The following ATAD3B variants were observed in gnomAD, a reference collection of about 807,000 sequenced individuals.
ATAD3B encodes ATPase family AAA domain containing 3B.
ATAD3B carries 59 observed loss-of-function variants against 70.2 expected under a neutral mutation model. The observed-to-expected ratio is 0.84, with a 90% CI of 0.68 to 1.04. The LOEUF (loss-of-function observed/expected upper bound fraction) is 1.04. ATAD3B is among the 50% of genes least tolerant of loss of function. The pLI, the probability that ATAD3B is intolerant of heterozygous loss-of-function variation, is 0.00. For synonymous variants in ATAD3B, 423 were observed against 388.6 expected (o/e 1.09, Z -1.04); for missense variants, 961 against 913.4 (o/e 1.05, Z -0.67).
the ATAD3B span, among the ~76,000 whole-genome samples, chr1:1,506,911 C>T: frequency 6.6e-6 from 1 of 151,930 alleles, no homozygotes; most frequent in Non-Finnish European, 1.5e-5. Context: ...CCTCAGCCTC[C>T]TGAGTAGCTG....
rs371064871 is a variant in ATAD3B, at chr1:1,486,365, G to C, written c.1089+130G>C. The C allele has an allele frequency of 3.2e-6, 5 of 1,581,830 alleles. No homozygotes were observed. The East Asian group carries it at 1.1e-4, about 36-fold the overall frequency. On this transcript the variant is annotated intron_variant, in intron 10 of 15. Transcript: ENST00000673477. ...CTTTGCCTACCCTCGTGTAGGCTCA[G>C]GGTGCTGGTGTGGGCAGCAGCGCCT... is the stretch of plus-strand genomic sequence containing the variant.
the ATAD3B span, among the ~76,000 whole-genome samples, chr1:1,505,263 G>A: frequency 6.6e-6 from 1 of 152,140 alleles, no homozygotes; most frequent in African/African-American, 2.4e-5. Flanking sequence ...CAGAGAGAGG[G>A]AGGGAGGGAG....
chr1:1,506,189 C>A, the ATAD3B span, among the ~76,000 whole-genome samples: 1 of 152,018 alleles, frequency 6.6e-6, no homozygotes, highest in Non-Finnish European at 1.5e-5. Context: ...GATCTGAGAT[C>A]GTGTCACTGT....
intron 4 of ATAD3B, among the ~76,000 whole-genome samples, chr1:1,479,866 GCACA>G (rs569873052): frequency 5.1e-5 from 7 of 137,376 alleles, no homozygotes; most frequent in Middle Eastern, 4.7e-3. Flanking sequence ...ACACGGGCCT[GCACA>G]CACACCCCCA....
the ATAD3B span, among the ~76,000 whole-genome samples, chr1:1,508,264 A>G: frequency 1.3e-5 from 2 of 151,248 alleles, no homozygotes; most frequent in Non-Finnish European, 2.9e-5. Flanking sequence ...AGCTCCGGTC[A>G]GTGTCTCCCC....
intron 15 of ATAD3B, 41 bp from the exon 16 acceptor site, chr1:1,495,444 T>C (rs780965705): frequency 3.9e-6 from 6 of 1,557,196 alleles, no homozygotes; most frequent in Non-Finnish European, 3.5e-6. Flanking sequence ...GGGTGGCGGG[T>C]TCCCATAGCG....
chr1:1,500,591 CTTCA>C (rs932873462), downstream of ATAD3B, among the ~76,000 whole-genome samples: 8 of 150,106 alleles, frequency 5.3e-5, 1 homozygote, highest in Admixed American at 2.0e-4. Flanking sequence ...ATTAATAAGA[CTTCA>C]TTCAGTCTAA....
chr1:1,499,892 C>G (rs1454573662), downstream of ATAD3B, among the ~76,000 whole-genome samples: 6 of 148,168 alleles, frequency 4.0e-5, no homozygotes, highest in Admixed American at 6.7e-5. Flanking sequence ...CCGTGCCCAG[C>G]CTTTTTTTTT....
intron 6 of ATAD3B, 31 bp from the exon 7 acceptor site, chr1:1,482,514 C>T (rs1481469810): frequency 3.1e-6 from 5 of 1,613,206 alleles, no homozygotes; most frequent in Non-Finnish European, 3.4e-6. Context: ...TCTTCGTGTC[C>T]TTCCTGGTCA....
chr1:1,502,310 G>T (rs1557442103), downstream of ATAD3B, among the ~76,000 whole-genome samples: 1 of 151,524 alleles, frequency 6.6e-6, no homozygotes, highest in Non-Finnish European at 1.5e-5. Context: ...CGCCTCCCGG[G>T]TTCACGCCAT....
chr1:1,499,594 T>C (rs1026307016), downstream of ATAD3B, among the ~76,000 whole-genome samples: 126 of 144,286 alleles, frequency 8.7e-4, 2 homozygotes, highest in Admixed American at 2.1e-3. Context: ...CTCTTTTTTT[T>C]TTTTTTTTTT....
chr1:1,507,357 CTTG>C, the ATAD3B span, among the ~76,000 whole-genome samples: 2 of 152,258 alleles, frequency 1.3e-5, no homozygotes, highest in Non-Finnish European at 2.9e-5. Flanking sequence ...CAATTCCTGG[CTTG>C]TTGAGTGTTT....
intron 13 of ATAD3B, chr1:1,489,718 C>T: frequency 1.5e-6 from 2 of 1,311,768 alleles, no homozygotes; most frequent in Non-Finnish European, 1.0e-6. Flanking sequence ...CACGGAGGAT[C>T]AAGTCCTGCT....
At chr1:1,492,305 G>A (rs1557429532) in intron 15 of ATAD3B, among the ~76,000 whole-genome samples, 1 of 151,832 alleles carries the variant, frequency 6.6e-6, no homozygotes, top group East Asian at 1.9e-4. Flanking sequence ...TGGCCAACAT[G>A]ATGAACCCCA....
In ATAD3B at chr1:1,486,045, G is replaced by A. The variant is rs950163936; in HGVS notation, c.964-65G>A. 7 of 1,609,936 alleles carry A rather than the reference G, an allele frequency of 4.3e-6. No individual in the cohort carries two copies. In the African/African-American group the frequency reaches 6.7e-5, roughly 15 times the overall value. On this transcript the variant is annotated intron_variant, in intron 9 of 15. Transcript: ENST00000673477. ...GAGTCCGCACCCGGGCATTCCCGCAGCCCCTGTCACCGAGGCTTCCGTGGG... is the reference window on the plus strand; with the variant it reads ...GAGTCCGCACCCGGGCATTCCCGCAACCCCTGTCACCGAGGCTTCCGTGGG...
In ATAD3B at chr1:1,482,671, C is replaced by T. The variant is rs532013364; in HGVS notation, c.750+57C>T. 315 of 1,610,496 alleles carry T rather than the reference C, an allele frequency of 2.0e-4. 5 individuals carry two copies. The highest frequency in any genetic ancestry group is 6.8e-4 in the Admixed American group (41 of 59,912). On this transcript the variant is annotated intron_variant, in intron 7 of 15. Coordinates refer to ENST00000673477, the MANE Select transcript of ATAD3B (RefSeq NM_031921.6). ...TGGCTGAGAGGCAGCATGTGGGGGC[C>T]TCCTGGAGCCCCAGGTCCTGTCCCT...
chr1:1,489,744 A>G, intron 13 of ATAD3B: 1 of 1,308,184 alleles, frequency 7.6e-7, no homozygotes, highest in South Asian at 1.2e-5. Context: ...GCCGTGGCTG[A>G]CTCTTCAGGC....
intron 1 of ATAD3B, among the ~76,000 whole-genome samples, chr1:1,473,921 C>G (rs1426008370): frequency 6.6e-6 from 1 of 152,020 alleles, no homozygotes; most frequent in African/African-American, 2.4e-5. Context: ...GTGCCCTTCC[C>G]CGGGGTGCTG....
chr1:1,508,881 C>T, the ATAD3B span, among the ~76,000 whole-genome samples: 6 of 151,668 alleles, frequency 4.0e-5, no homozygotes, highest in South Asian at 2.1e-4. Flanking sequence ...GGCTGAGACA[C>T]GCAGAGGGTC....
Sources: gnomAD v4.1 joint callset for allele counts (sites outside exome capture counted in the v4.1 genomes callset) on GRCh38, gnomAD v4.1.1 for gene constraint, MANE v1.5 for transcripts, NCBI Gene and HGNC (gene_info 2026-07-23, HGNC 2026-07-21) for gene names.